Variants in FANCL observed in about 807,000 individuals in gnomAD.
FANCL encodes E3 ubiquitin-protein ligase FANCL.
In FANCL, 69 loss-of-function variants were observed where a neutral mutation model predicts 59.4. The ratio of observed to expected loss-of-function variants is 1.16; its 90% CI spans 0.96 to 1.42. The LOEUF (loss-of-function observed/expected upper bound fraction) is 1.42, where lower values mean the gene tolerates loss of function less well. FANCL is among the 40% of genes most tolerant of loss of function. FANCL has a pLI of 0.00. For synonymous variants in FANCL, 180 were observed against 147.1 expected (o/e 1.22, Z -1.62); for missense variants, 519 against 447.2 (o/e 1.16, Z -1.45).
Position 58,204,108 on chromosome 2 carries a change from A to G in FANCL, c.471+22T>C, listed in dbSNP as rs1343350968. 3 of 1,560,948 alleles carry G rather than the reference A, an allele frequency of 1.9e-6. No homozygotes were observed. In the South Asian group the frequency reaches 3.3e-5, roughly 17 times the overall value. On this transcript the variant is annotated intron_variant, in intron 6 of 13. Transcript: ENST00000233741. ...TCACAAAGTATTTTCTGATCACAAT[A>G]ACAGTTTAACGAGGCACATACCTTT... is the stretch of plus-strand genomic sequence containing the variant.
Position 58,163,400 on chromosome 2 carries a change from C to CTT in FANCL, c.775+33_775+34insAA, listed in dbSNP as rs752905815. 9.6e-6 allele frequency: 13 copies of CTT among 1,359,730 alleles called. No individual in the cohort carries two copies. The Admixed American group carries it at 2.2e-4, about 23-fold the overall frequency. 84.2% of individuals were successfully genotyped at this position (1,359,730 alleles called of 1,614,324 possible). On this transcript the variant is annotated intron_variant, in intron 9 of 13. Coordinates refer to ENST00000233741, the MANE Select transcript of FANCL (RefSeq NM_018062.4). Reference sequence around the variant, plus strand: ...AATGCTAGGCAAGGATTTTATGACTCTATTAAAAAACGTTTAAATCTCAGA... The same window carrying CTT: ...AATGCTAGGCAAGGATTTTATGACTCTTTATTAAAAAACGTTTAAATCTCAGA...
chr2:58,178,819 A>G lies in FANCL; in HGVS notation c.541-12945T>C, dbSNP rs766203041. 5.3e-5 allele frequency among the ~76,000 whole-genome samples: 8 copies of G among 152,208 alleles called. No homozygotes were observed. In the South Asian group the frequency reaches 8.3e-4, roughly 16 times the overall value. On this transcript the variant is annotated intron_variant, in intron 7 of 13. Coordinates refer to ENST00000233741, the MANE Select transcript of FANCL (RefSeq NM_018062.4). ...CTCTGTTTGCAGATGACATGACTGT[A>G]TATTTACAAAACCCTATCATCTCAG...
Position 58,221,989 on chromosome 2 carries a change from C to T in FANCL, c.327G>A (p.Gln109=). 1.2e-6 allele frequency: 2 copies of T among 1,613,528 alleles called. No individual in the cohort carries two copies. The highest frequency in any genetic ancestry group is 1.1e-5 in the South Asian group (1 of 91,074). ...QELYALPPPP[Q]FYSSLIEEIG... is the part of the protein sequence containing the mutation. ...TCTCTTCAATAAGGCTTGAGTAGAA[C>T]TGGGGAGGAGGAGGTAGTGCATACA... The change falls in exon 5 of 14, where the codon CAG becomes CAA. Residue 109 remains glutamine (Q), a synonymous_variant. Transcript: ENST00000233741.
chr2:58,175,553 A>G (rs1291353982), intron 7 of FANCL, among the ~76,000 whole-genome samples: 1 of 152,148 alleles, frequency 6.6e-6, no homozygotes, highest in Non-Finnish European at 1.5e-5. Context: ...ATCTCAATAG[A>G]TGCAGATAAG....
At chr2:58,198,483 T>C (rs912564091) in intron 7 of FANCL, 111 bp downstream of exon 7, 11 of 829,098 alleles carry the variant, frequency 1.3e-5, no homozygotes, top group Middle Eastern at 3.5e-4. Context: ...TATGCATGGA[T>C]TTTGGTATTT....
chr2:58,186,471 G>A (rs1369540269), intron 7 of FANCL, among the ~76,000 whole-genome samples: 1 of 152,170 alleles, frequency 6.6e-6, no homozygotes, highest in East Asian at 1.9e-4. Context: ...GTGGGGACTG[G>A]AAAGAGTGAA....
chr2:58,183,886 T>G (rs1221110791), intron 7 of FANCL, among the ~76,000 whole-genome samples: 1 of 151,976 alleles, frequency 6.6e-6, no homozygotes, highest in Non-Finnish European at 1.5e-5. Flanking sequence ...AAATCACAGC[T>G]CTCATATTGA....
chr2:58,230,401 C>T (rs377408383), intron 2 of FANCL, among the ~76,000 whole-genome samples: 3 of 152,040 alleles, frequency 2.0e-5, no homozygotes, highest in East Asian at 3.9e-4. Flanking sequence ...CTCCTAGGCT[C>T]AAGAAACCCT....
At chr2:58,229,227 T>C (rs1050948761) in intron 3 of FANCL, among the ~76,000 whole-genome samples, 1 of 152,168 alleles carries the variant, frequency 6.6e-6, no homozygotes, top group Non-Finnish European at 1.5e-5. Context: ...TTCTAAAAAC[T>C]ATTTTTCTAA....
At chr2:58,200,119 A>T (rs967588657) in intron 6 of FANCL, among the ~76,000 whole-genome samples, 8 of 151,866 alleles carry the variant, frequency 5.3e-5, no homozygotes, top group Non-Finnish European at 2.9e-5. Flanking sequence ...AAAAAAAAGA[A>T]AAAAATATCA....
intron 7 of FANCL, among the ~76,000 whole-genome samples, chr2:58,181,667 G>A (rs907306530): frequency 1.3e-5 from 2 of 151,908 alleles, no homozygotes; most frequent in Non-Finnish European, 2.9e-5. Flanking sequence ...ACATGATAAA[G>A]CAAATATAGG....
chr2:58,161,388 T>C, intron 12 of FANCL, 134 bp downstream of exon 12: 1 of 712,150 alleles, frequency 1.4e-6, no homozygotes, highest in Non-Finnish European at 2.6e-6. Context: ...TGGAATAAAC[T>C]GGTAAAAGGA....
At chr2:58,170,230 T>A (rs1315038252) in intron 7 of FANCL, among the ~76,000 whole-genome samples, 2 of 152,168 alleles carry the variant, frequency 1.3e-5, no homozygotes, top group Non-Finnish European at 2.9e-5. Context: ...GGGGCCAATA[T>A]TTAATATTCT....
At chr2:58,184,831 G>A (rs929728803) in intron 7 of FANCL, among the ~76,000 whole-genome samples, 1 of 151,988 alleles carries the variant, frequency 6.6e-6, no homozygotes, top group African/African-American at 2.4e-5. Context: ...CCCCAAAACG[G>A]GAGGAAACAT....
chr2:58,212,721 T>G (rs570179010), intron 5 of FANCL, among the ~76,000 whole-genome samples: 8 of 152,278 alleles, frequency 5.3e-5, no homozygotes, highest in Admixed American at 2.0e-4. Context: ...GACATCATTT[T>G]GTATCACTTA....
intron 7 of FANCL, among the ~76,000 whole-genome samples, chr2:58,188,138 G>T (rs989088040): frequency 1.3e-5 from 2 of 152,010 alleles, no homozygotes; most frequent in African/African-American, 4.8e-5. Flanking sequence ...ATATCTAATT[G>T]TCTCAGCACC....
intron 7 of FANCL, among the ~76,000 whole-genome samples, chr2:58,186,839 G>A (rs995819042): frequency 7.9e-5 from 12 of 152,164 alleles, no homozygotes; most frequent in African/African-American, 2.9e-4. Context: ...TGAGTAAAAA[G>A]TGCTGCAAAA....
Position 58,241,263 on chromosome 2 carries a change from G to A in FANCL, c.51C>T (p.Pro17=), listed in dbSNP as rs772700022. 1.2e-5 allele frequency: 19 copies of A among 1,614,122 alleles called. No individual in the cohort carries two copies. The Admixed American group carries it at 3.0e-4, about 25-fold the overall frequency. Reference sequence around the variant, plus strand: ...CATACACGGTTTTCGACCGGTTCTGGGGCAGAAGCAGGGGGCACTGGCGCA... The same window carrying A: ...CATACACGGTTTTCGACCGGTTCTGAGGCAGAAGCAGGGGGCACTGGCGCA... The part of the protein sequence containing the change: ...SLLRQCPLLL[P]QNRSKTVYEG... Residue 17 remains proline, a synonymous_variant, in exon 1 of 14, where the codon CCC becomes CCT. Transcript: ENST00000233741.
Position 58,180,229 on chromosome 2 carries a change from C to T in FANCL, c.541-14355G>A, listed in dbSNP as rs138107348. Among the ~76,000 whole-genome samples, 890 of 152,148 alleles carry T rather than the reference C, an allele frequency of 5.8e-3. 12 individuals carry two copies. The highest frequency in any genetic ancestry group is 0.02 in the African/African-American group (840 of 41,516). ...CAGCAATCCCATTATGGGGTATATA[C>T]CCAAAGAATTATAAATCATGCTACT... On this transcript the variant is annotated intron_variant, in intron 7 of 13. Transcript: ENST00000233741.
Sources: allele counts gnomAD v4.1 joint callset (sites outside exome capture counted in the v4.1 genomes callset), GRCh38; gene constraint gnomAD v4.1.1; transcripts MANE v1.5; gene names NCBI Gene and HGNC (gene_info 2026-07-23, HGNC 2026-07-21).